USH2A: variants seen among roughly 807,000 people sequenced by gnomAD.
The protein encoded by USH2A is Usher syndrome 2A (autosomal recessive, mild).
Under a neutral mutation model 538.9 loss-of-function variants are expected in USH2A, and 443 were observed. The ratio of observed to expected loss-of-function variants is 0.82; its 90% CI spans 0.76 to 0.89. The LOEUF is 0.89. USH2A is among the 40% of genes least tolerant of loss of function. The pLI is 0.00. For missense variants in USH2A, 6,633 were observed against 6,324.8 expected (o/e 1.05, Z -1.65); for synonymous variants, 2,413 against 2,273.5 (o/e 1.06, Z -1.75).
chr1:216,342,896 C>A (rs1201723456), intron 4 of USH2A, among the ~76,000 whole-genome samples: 1 of 151,936 alleles, frequency 6.6e-6, no homozygotes, highest in Non-Finnish European at 1.5e-5. Context: ...GGGCTTAAAA[C>A]CTAGATGACA....
intron 3 of USH2A, among the ~76,000 whole-genome samples, chr1:216,380,625 G>GA (rs2038908610): frequency 6.6e-6 from 1 of 151,938 alleles, no homozygotes; most frequent in Non-Finnish European, 1.5e-5. Context: ...AAATATGGGA[G>GA]AAAAAACAGT....
rs560510139 is a variant in USH2A at position 215,861,608 on chromosome 1, A to G, written c.8845+5399T>C. Among the ~76,000 whole-genome samples the G allele has an allele frequency of 3.3e-5, 5 of 152,102 alleles. No homozygotes were observed. In the South Asian group the frequency reaches 1.0e-3, roughly 32 times the overall value. ...TCATGTCCTCATTCCAGTCCAGGGGAAGGGCTAAAAGAGAACAAGTAGGCA... is the reference window on the plus strand; with the variant it reads ...TCATGTCCTCATTCCAGTCCAGGGGGAGGGCTAAAAGAGAACAAGTAGGCA... On this transcript the variant is annotated intron_variant, in intron 44 of 71. Coordinates refer to ENST00000307340, the MANE Select transcript of USH2A (RefSeq NM_206933.4).
chr1:216,076,914 A>G (rs1435753020), intron 27 of USH2A, among the ~76,000 whole-genome samples: 1 of 152,106 alleles, frequency 6.6e-6, no homozygotes, highest in Non-Finnish European at 1.5e-5. Flanking sequence ...GGAAGTTACT[A>G]TGCTTTCCCC....
chr1:216,347,589 A>G (rs1606356), intron 4 of USH2A, among the ~76,000 whole-genome samples: 1 of 151,912 alleles, frequency 6.6e-6, no homozygotes, highest in African/African-American at 2.4e-5. Flanking sequence ...TGTATTTGTA[A>G]AAATATGTTA....
At chr1:216,231,244 ATATAT>A (rs1165056633) in intron 14 of USH2A, among the ~76,000 whole-genome samples, 2 of 64,292 alleles carry the variant, frequency 3.1e-5, no homozygotes, top group Admixed American at 2.3e-4. Flanking sequence ...ATATATATAT[ATATAT>A]TATATATATA....
intron 21 of USH2A, among the ~76,000 whole-genome samples, chr1:216,134,417 AATGTCCC>A (rs1164939973): frequency 1.3e-5 from 2 of 152,096 alleles, no homozygotes; most frequent in Non-Finnish European, 2.9e-5. Context: ...AGAGAAGAGC[AATGTCCC>A]AGGTAGCAGA....
chr1:216,310,935 C>G (rs912360663), intron 9 of USH2A, among the ~76,000 whole-genome samples: 1 of 152,142 alleles, frequency 6.6e-6, no homozygotes, highest in African/African-American at 2.4e-5. Context: ...ATTGCTTCCT[C>G]TAGGGAGCTA....
chr1:215,650,607 A>G lies in USH2A; in HGVS notation c.14328T>C (p.His4776=). 2 of 1,614,180 alleles carry G rather than the reference A, an allele frequency of 1.2e-6. No homozygotes were observed. Among genetic ancestry groups the G allele is most frequent in the Non-Finnish European group, 1.7e-6 (2 of 1,180,028 alleles). The change falls in exon 65 of 72, where the codon CAT becomes CAC. Residue 4776 remains histidine (H), a synonymous_variant. Transcript: ENST00000307340. Reference sequence around the variant, plus strand: ...TGCTGCTCACCACTGTCTCAGCCCCATGGGCGCTGCTGGAGAACAGCCTGT... The same window carrying G: ...TGCTGCTCACCACTGTCTCAGCCCCGTGGGCGCTGCTGGAGAACAGCCTGT... The part of the protein sequence containing the change: ...SLYRLFSSSA[H]GAETVLSEGM...
At chr1:215,898,945 C>T (rs1665418619) in intron 40 of USH2A, among the ~76,000 whole-genome samples, 1 of 152,090 alleles carries the variant, frequency 6.6e-6, no homozygotes, top group Non-Finnish European at 1.5e-5. Flanking sequence ...CTGAGTGTCC[C>T]CTTGCAAAGT....
At chr1:215,792,482 T>TA (rs2102771986) in intron 50 of USH2A, among the ~76,000 whole-genome samples, 1 of 152,338 alleles carries the variant, frequency 6.6e-6, no homozygotes, top group East Asian at 1.9e-4. Flanking sequence ...TTTGCACAGA[T>TA]AAACTGTGAC....
intron 61 of USH2A, among the ~76,000 whole-genome samples, chr1:215,682,657 G>A (rs377468446): frequency 6.6e-6 from 1 of 151,912 alleles, no homozygotes; most frequent in Non-Finnish European, 1.5e-5. Context: ...GTTGCAAGCT[G>A]AAGTTCATGC....
At chr1:216,407,272 G>T (rs1390960350) in intron 3 of USH2A, among the ~76,000 whole-genome samples, 1 of 152,026 alleles carries the variant, frequency 6.6e-6, no homozygotes, top group African/African-American at 2.4e-5. Context: ...GAATGAAATT[G>T]CTGTCTAACA....
Position 215,680,207 on chromosome 1 carries a change from T to C in USH2A, c.12236A>G (p.Asn4079Ser). The change falls in exon 62 of 72, where the codon AAT becomes AGT. Residue 4079 changes from asparagine (N) to serine (S), a missense_variant. Physicochemically the swap from Asn to Ser is conservative, Grantham distance 46 (BLOSUM62 1). Coordinates refer to ENST00000307340, the MANE Select transcript of USH2A (RefSeq NM_206933.4). The stretch of plus-strand genomic sequence containing the variant: ...CCACTGTAGTAGCAATGCCCGGCCA[T>C]TCTCTTTCTGTTCTACTATAAAGTT... ...LRNFIVEQKE[N>S]GRALLLQWSE... 6.2e-7 allele frequency: 1 copy of C among 1,614,170 alleles called. No individual in the cohort carries two copies.
chr1:215,912,287 A>G (rs1463590976), intron 38 of USH2A, among the ~76,000 whole-genome samples: 5 of 151,992 alleles, frequency 3.3e-5, no homozygotes, highest in Admixed American at 2.0e-4. Context: ...CCTATGTCCT[A>G]TAGATTTTCC....
intron 21 of USH2A, among the ~76,000 whole-genome samples, chr1:216,143,257 A>G (rs2033634405): frequency 6.6e-6 from 1 of 152,180 alleles, no homozygotes. Flanking sequence ...ACAACACAGG[A>G]TAGCAGTTGC....
At chr1:216,323,227 T>A (rs2037651309) in intron 8 of USH2A, among the ~76,000 whole-genome samples, 1 of 148,126 alleles carries the variant, frequency 6.8e-6, no homozygotes, top group African/African-American at 2.5e-5. Flanking sequence ...CTTTTGAAAA[T>A]CAATTCCTGT....
At chr1:216,159,537 TACACACACACAC>T (rs60343349) in intron 21 of USH2A, among the ~76,000 whole-genome samples, 4 of 146,832 alleles carry the variant, frequency 2.7e-5, no homozygotes, top group African/African-American at 5.1e-5. Context: ...TTTATTTATG[TACACACACACAC>T]ACACACACAC....
intron 33 of USH2A, 139 bp from the exon 34 acceptor site, chr1:215,999,197 A>C: frequency 1.3e-6 from 1 of 779,764 alleles, no homozygotes; most frequent in Non-Finnish European, 2.0e-6. Context: ...CATTTAAAAT[A>C]AAACACTGAA....
chr1:216,329,771 C>T (rs1402209907), intron 4 of USH2A, among the ~76,000 whole-genome samples: 3 of 152,088 alleles, frequency 2.0e-5, no homozygotes, highest in Non-Finnish European at 2.9e-5. Context: ...TTCTGTGCCC[C>T]GCTATAGTCC....
Sources: allele counts gnomAD v4.1 joint callset (sites outside exome capture counted in the v4.1 genomes callset), GRCh38; gene constraint gnomAD v4.1.1; transcripts MANE v1.5; gene names NCBI Gene and HGNC (gene_info 2026-07-23, HGNC 2026-07-21).